Variants in OR51B5 observed in about 807,000 individuals in gnomAD.
OR51B5 encodes the protein olfactory receptor 51B5.
For missense variants in OR51B5, 456 were observed against 374.6 expected (o/e 1.22, Z -1.79); for synonymous variants, 186 against 144.8 (o/e 1.28, Z -2.04).
At chr11:5,414,349 T>C (rs11037355) in intron 1 of OR51B5, among the ~76,000 whole-genome samples, 102,836 of 130,198 alleles carry the variant, frequency 0.79, 42,391 homozygotes, top group Non-Finnish European at 0.89. Context: ...TAAAGACCAT[T>C]CAGACTAGGA....
chr11:5,438,899 T>C (rs149621790), intron 1 of OR51B5, among the ~76,000 whole-genome samples: 110 of 152,196 alleles, frequency 7.2e-4, no homozygotes, highest in African/African-American at 2.4e-3. Context: ...TAAACAAAAA[T>C]ACAACCAGAT....
At chr11:5,439,256 T>G (rs1227883339) in intron 1 of OR51B5, among the ~76,000 whole-genome samples, 2 of 152,014 alleles carry the variant, frequency 1.3e-5, no homozygotes, top group Non-Finnish European at 2.9e-5. Context: ...GACTGTGGGG[T>G]GGCTGGAAAT....
At chr11:5,487,419 G>C (rs765694015) in intron 1 of OR51B5, among the ~76,000 whole-genome samples, 2 of 152,072 alleles carry the variant, frequency 1.3e-5, no homozygotes, top group African/African-American at 4.8e-5. Context: ...CCACAAAAAG[G>C]CTTTGGAATT....
chr11:5,350,871 T>C (rs994373430), intron 1 of OR51B5, among the ~76,000 whole-genome samples: 4 of 152,226 alleles, frequency 2.6e-5, no homozygotes, highest in Non-Finnish European at 4.4e-5. Flanking sequence ...ATTTTCTAAC[T>C]ACCCAAAAGT....
chr11:5,347,345 G>C (rs971970550), upstream of OR51B5, among the ~76,000 whole-genome samples: 1 of 152,132 alleles, frequency 6.6e-6, no homozygotes, highest in Non-Finnish European at 1.5e-5. Context: ...GAGCTAGATA[G>C]ACTAGAGTCA....
chr11:5,362,952 T>G (rs76367651), intron 1 of OR51B5: 56,929 of 156,268 alleles, frequency 0.36, 10,904 homozygotes, highest in Non-Finnish European at 0.39. Context: ...TTATAATAAA[T>G]GCAGATGTAT....
intron 1 of OR51B5, among the ~76,000 whole-genome samples, chr11:5,417,956 T>C (rs1387340604): frequency 6.8e-6 from 1 of 147,238 alleles, no homozygotes; most frequent in Non-Finnish European, 1.5e-5. Context: ...TAAAGACACA[T>C]GCACACGTAT....
At chr11:5,472,828 T>C (rs1851248412) in intron 1 of OR51B5, among the ~76,000 whole-genome samples, 1 of 152,182 alleles carries the variant, frequency 6.6e-6, no homozygotes, top group African/African-American at 2.4e-5. Flanking sequence ...CCAGTAAGCA[T>C]ACCACAACTT....
At chr11:5,455,431 T>C (rs1306294994) in intron 1 of OR51B5, 1 of 151,746 alleles carries the variant, frequency 6.6e-6, no homozygotes, top group Non-Finnish European at 1.5e-5. Context: ...TCAGACCTTC[T>C]CATACGCTTC....
intron 1 of OR51B5, among the ~76,000 whole-genome samples, chr11:5,471,027 G>C (rs143060150): frequency 3.3e-5 from 5 of 152,204 alleles, no homozygotes; most frequent in Non-Finnish European, 7.3e-5. Flanking sequence ...CATAGAAGCT[G>C]CAAGACCACA....
chr11:5,358,432 G>T (rs1849228478), intron 1 of OR51B5, among the ~76,000 whole-genome samples: 1 of 152,212 alleles, frequency 6.6e-6, no homozygotes, highest in South Asian at 2.1e-4. Context: ...ACCCTCCCAA[G>T]ACTAAACCAG....
At chr11:5,468,757 C>A in intron 1 of OR51B5, 1 of 456,114 alleles carries the variant, frequency 2.2e-6, no homozygotes, top group Non-Finnish European at 4.4e-6. Flanking sequence ...GTAGAATGAG[C>A]ACATAGGAGA....
intron 1 of OR51B5, among the ~76,000 whole-genome samples, chr11:5,394,587 T>G (rs1849840609): frequency 6.6e-6 from 1 of 152,258 alleles, no homozygotes; most frequent in African/African-American, 2.4e-5. Flanking sequence ...AAAACACAGA[T>G]GGCTCATGTA....
intron 1 of OR51B5, among the ~76,000 whole-genome samples, chr11:5,399,323 C>T (rs1005622965): frequency 6.6e-6 from 1 of 152,148 alleles, no homozygotes; most frequent in African/African-American, 2.4e-5. Context: ...AATAAGCTGA[C>T]TGTGATTGAC....
At chr11:5,422,325 T>C in intron 1 of OR51B5, 1 of 1,614,132 alleles carries the variant, frequency 6.2e-7, no homozygotes, top group South Asian at 1.1e-5. Flanking sequence ...ATCTCCATCA[T>C]GGGCAATACC....
At chr11:5,431,299 T>G in intron 1 of OR51B5, 1 of 303,086 alleles carries the variant, frequency 3.3e-6, no homozygotes, top group Non-Finnish European at 6.6e-6. Context: ...GAAGAACATC[T>G]GGGCCAGGCA....
intron 1 of OR51B5, among the ~76,000 whole-genome samples, chr11:5,497,173 C>T (rs375068293): frequency 6.6e-6 from 1 of 152,170 alleles, no homozygotes; most frequent in Non-Finnish European, 1.5e-5. Flanking sequence ...CTGGTAAATG[C>T]GTTGAGTACT....
intron 1 of OR51B5, among the ~76,000 whole-genome samples, chr11:5,493,564 G>C (rs1193989390): frequency 6.6e-6 from 1 of 152,028 alleles, no homozygotes; most frequent in African/African-American, 2.4e-5. Context: ...TTAGATTTAA[G>C]GTATTAATAT....
At chr11:5,364,782 C>T (rs992812073) in intron 1 of OR51B5, among the ~76,000 whole-genome samples, 1 of 152,192 alleles carries the variant, frequency 6.6e-6, no homozygotes, top group Non-Finnish European at 1.5e-5. Flanking sequence ...CCACCCTCTT[C>T]CTTCCTGAGC....
Sources: allele counts gnomAD v4.1 joint callset (sites outside exome capture counted in the v4.1 genomes callset), GRCh38; gene constraint gnomAD v4.1.1; transcripts MANE v1.5; gene names NCBI Gene and HGNC (gene_info 2026-07-23, HGNC 2026-07-21).